Variants in RAPGEF4 observed in about 807,000 individuals in gnomAD.
RAPGEF4 encodes the protein RAP guanine-nucleotide-exchange factor (GEF) 4.
A neutral mutation model predicts 147.9 loss-of-function variants in RAPGEF4; 66 were observed. The observed-to-expected ratio is 0.45, with a 90% CI of 0.37 to 0.55. The LOEUF is 0.55. Ranked by LOEUF, RAPGEF4 falls within the 20% of genes least tolerant of loss-of-function variation. The pLI is 0.00. For missense variants in RAPGEF4, 1,071 were observed against 1,257.3 expected, an observed-to-expected ratio of 0.85 and a Z score of 2.24; for synonymous variants, 419 against 442.7, an observed-to-expected ratio of 0.95 and a Z score of 0.67.
At chr2:173,047,086 G>A (rs1685564215) in intron 29 of RAPGEF4, among the ~76,000 whole-genome samples, 1 of 152,162 alleles carries the variant, frequency 6.6e-6, no homozygotes, top group African/African-American at 2.4e-5. Flanking sequence ...TTCTGCTAGT[G>A]TTGTAATTAA....
intron 6 of RAPGEF4, among the ~76,000 whole-genome samples, chr2:172,956,221 C>G (rs1688714588): frequency 6.6e-6 from 1 of 152,090 alleles, no homozygotes. Flanking sequence ...CTCCCTCTGT[C>G]CCTTTGCTTG....
Position 172,741,664 on chromosome 2 carries a change from T to C in RAPGEF4, c.65+5616T>C, listed in dbSNP as rs979953078. Among the ~76,000 whole-genome samples, 28 of 152,302 alleles carry C rather than the reference T, an allele frequency of 1.8e-4. 1 individual carries two copies. The highest frequency in any genetic ancestry group is 6.7e-4 in the African/African-American group (28 of 41,556). On this transcript the variant is annotated intron_variant, in intron 1 of 30. Coordinates refer to ENST00000397081, the MANE Select transcript of RAPGEF4 (RefSeq NM_007023.4). ...AAAGAAGAAATAGCAGTATGATTCT[T>C]AATTCTTTTTGTTTGTGTGTGTGTT...
chr2:172,938,213 G>GTACA (rs1296223270), intron 6 of RAPGEF4, among the ~76,000 whole-genome samples: 1 of 82,930 alleles, frequency 1.2e-5, no homozygotes, highest in Non-Finnish European at 2.7e-5. Flanking sequence ...ATATCTGTAA[G>GTACA]TACACACACA....
intron 4 of RAPGEF4, among the ~76,000 whole-genome samples, chr2:172,897,411 G>T (rs548971551): frequency 5.9e-4 from 90 of 151,726 alleles, no homozygotes; most frequent in Middle Eastern, 6.8e-3. Flanking sequence ...TATATATATA[G>T]AGAGAGAGAC....
chr2:172,839,612 G>A (rs1159077347), intron 4 of RAPGEF4, among the ~76,000 whole-genome samples: 7 of 151,454 alleles, frequency 4.6e-5, no homozygotes, highest in Non-Finnish European at 1.0e-4. Flanking sequence ...CCTGTATTCT[G>A]TGCTGACCTC....
At chr2:172,895,478 C>T (rs1267306878) in intron 4 of RAPGEF4, among the ~76,000 whole-genome samples, 1 of 152,164 alleles carries the variant, frequency 6.6e-6, no homozygotes, top group Non-Finnish European at 1.5e-5. Context: ...AAATAAACTG[C>T]ATTTGTTGAT....
chr2:172,967,651 A>G (rs1191264808), intron 10 of RAPGEF4, among the ~76,000 whole-genome samples: 2 of 152,204 alleles, frequency 1.3e-5, no homozygotes, highest in Non-Finnish European at 2.9e-5. Context: ...TTCCATTTGC[A>G]TGAGTTAAAG....
chr2:172,780,036 A>G (rs1479874112), intron 1 of RAPGEF4, among the ~76,000 whole-genome samples: 1 of 152,158 alleles, frequency 6.6e-6, no homozygotes, highest in African/African-American at 2.4e-5. Flanking sequence ...CTTTTTTATT[A>G]ATAAATGACG....
chr2:172,952,571 A>C (rs1688311153), intron 6 of RAPGEF4, among the ~76,000 whole-genome samples: 1 of 152,226 alleles, frequency 6.6e-6, no homozygotes, highest in South Asian at 2.1e-4. Context: ...CAGATTTCAT[A>C]GTAATATGTT....
chr2:172,738,283 C>A (rs554814338), intron 1 of RAPGEF4, among the ~76,000 whole-genome samples: 1 of 152,110 alleles, frequency 6.6e-6, no homozygotes, highest in African/African-American at 2.4e-5. Context: ...CTATCTTGAT[C>A]TTCTTTTCCA....
At chr2:172,882,714 G>T (rs997703116) in intron 4 of RAPGEF4, among the ~76,000 whole-genome samples, 8 of 152,122 alleles carry the variant, frequency 5.3e-5, no homozygotes, top group African/African-American at 1.7e-4. Flanking sequence ...GATAGTGTCT[G>T]TTCTAGCTAT....
intron 6 of RAPGEF4, among the ~76,000 whole-genome samples, chr2:172,924,391 T>A (rs896450482): frequency 6.6e-6 from 1 of 152,238 alleles, no homozygotes; most frequent in Non-Finnish European, 1.5e-5. Flanking sequence ...GCTCGTCAGA[T>A]ACAATGAACT....
At chr2:173,047,819 G>T (rs1226343958) in intron 29 of RAPGEF4, among the ~76,000 whole-genome samples, 1 of 152,090 alleles carries the variant, frequency 6.6e-6, no homozygotes, top group Non-Finnish European at 1.5e-5. Context: ...TGGGACTACA[G>T]GCGCCTGCCA....
At chr2:172,825,466 A>G (rs1689567592) in intron 4 of RAPGEF4, among the ~76,000 whole-genome samples, 1 of 152,140 alleles carries the variant, frequency 6.6e-6, no homozygotes, top group Admixed American at 6.5e-5. Context: ...AGGCATTGCT[A>G]TTGCAATTGT....
At chr2:173,027,413 T>G (rs1161060723) in intron 25 of RAPGEF4, among the ~76,000 whole-genome samples, 154 bp downstream of exon 25, 1 of 152,164 alleles carries the variant, frequency 6.6e-6, no homozygotes, top group Non-Finnish European at 1.5e-5. Flanking sequence ...TTGTAATGGA[T>G]CTCTCCTATA....
intron 1 of RAPGEF4, among the ~76,000 whole-genome samples, chr2:172,764,145 T>A (rs1696609375): frequency 1.3e-5 from 2 of 151,902 alleles, no homozygotes; most frequent in Non-Finnish European, 2.9e-5. Context: ...TCCCAGCTAC[T>A]CAGGAGACTG....
intron 28 of RAPGEF4, 78 bp downstream of exon 28, chr2:173,036,290 G>C: frequency 8.9e-7 from 1 of 1,125,564 alleles, no homozygotes; most frequent in Non-Finnish European, 1.3e-6. Context: ...TGATAAGATT[G>C]ATTACTTAGG....
At chr2:172,761,468 GA>G (rs753544130) in intron 1 of RAPGEF4, among the ~76,000 whole-genome samples, 1 of 151,580 alleles carries the variant, frequency 6.6e-6, no homozygotes, top group Non-Finnish European at 1.5e-5. Flanking sequence ...TCAAATGTGG[GA>G]AAAAAAAGAA....
intron 4 of RAPGEF4, among the ~76,000 whole-genome samples, chr2:172,904,919 C>T (rs1425518811): frequency 6.6e-6 from 1 of 152,022 alleles, no homozygotes; most frequent in African/African-American, 2.4e-5. Context: ...AGAATGCTTC[C>T]TGTCACATGA....
Sources: gnomAD v4.1 joint callset for allele counts (sites outside exome capture counted in the v4.1 genomes callset) on GRCh38, gnomAD v4.1.1 for gene constraint, MANE v1.5 for transcripts, NCBI Gene and HGNC (gene_info 2026-07-23, HGNC 2026-07-21) for gene names.